NDST4: variants seen among roughly 807,000 people sequenced by gnomAD.
NDST4 encodes N-deacetylase and N-sulfotransferase 4, also known as N-heparan sulfate sulfotransferase 4.
A neutral mutation model predicts 100.8 loss-of-function variants in NDST4; 63 were observed. The observed-to-expected ratio is 0.62, with a 90% CI of 0.51 to 0.77. The LOEUF (loss-of-function observed/expected upper bound fraction) is 0.77, where lower values mean the gene tolerates loss of function less well. Among genes scored for constraint, NDST4 ranks in the 30% least tolerant of loss-of-function variants. The probability of loss-of-function intolerance (pLI) is 0.00; values close to 1 mark genes in which losing one functional copy is unlikely to be tolerated. For synonymous variants in NDST4, 377 were observed against 361.8 expected, an observed-to-expected ratio of 1.04 and a Z score of -0.48; for missense variants, 943 against 1,018.4, an observed-to-expected ratio of 0.93 and a Z score of 1.01.
At chr4:114,852,591 C>T in intron 8 of NDST4, 134 bp downstream of exon 8, 1 of 569,490 alleles carries the variant, frequency 1.8e-6, no homozygotes, top group Admixed American at 3.4e-5. Context: ...AGATGACAAG[C>T]AGTTCAAATA....
At chr4:114,985,194 A>T (rs1726872206) in intron 2 of NDST4, among the ~76,000 whole-genome samples, 1 of 152,188 alleles carries the variant, frequency 6.6e-6, no homozygotes, top group Admixed American at 6.5e-5. Flanking sequence ...CTGAAAAAAA[A>T]CCTAGTGAGC....
intron 2 of NDST4, among the ~76,000 whole-genome samples, chr4:115,048,305 T>C (rs1053519884): frequency 6.6e-6 from 1 of 152,188 alleles, no homozygotes; most frequent in African/African-American, 2.4e-5. Flanking sequence ...ACAAGGTTTT[T>C]AGCATTTACA....
chr4:115,050,170 T>C (rs1404671679), intron 2 of NDST4, among the ~76,000 whole-genome samples: 1 of 152,192 alleles, frequency 6.6e-6, no homozygotes, highest in Non-Finnish European at 1.5e-5. Flanking sequence ...CTCAAAGTTT[T>C]ATTCTTGTGT....
At position 115,077,219 on chromosome 4, in the gene NDST4, T is replaced by C. The variant is rs1372385836; in HGVS notation, c.-183A>G. ...TGGAAGGCAATAGATGGGAAGGATATACGTTGAGGAGATTTTGAATATGTC... is the reference window on the plus strand; with the variant it reads ...TGGAAGGCAATAGATGGGAAGGATACACGTTGAGGAGATTTTGAATATGTC... On this transcript the variant is annotated 5_prime_UTR_variant, in exon 2 of 14. Coordinates refer to ENST00000264363, the MANE Select transcript of NDST4 (RefSeq NM_022569.3). The C allele has an allele frequency of 5.4e-6, 3 of 559,974 alleles. No homozygotes were observed. The highest frequency in any genetic ancestry group is 2.3e-5 in the South Asian group (1 of 43,850). 34.7% of individuals were successfully genotyped at this position (559,974 alleles called of 1,614,324 possible). A position where few individuals can be genotyped will look rare whatever the true frequency, so the allele number is the denominator to read the frequency against.
intron 6 of NDST4, among the ~76,000 whole-genome samples, chr4:114,899,699 C>T (rs573430623): frequency 1.3e-5 from 2 of 152,214 alleles, no homozygotes; most frequent in Admixed American, 6.5e-5. Context: ...TCCACTGGAT[C>T]ATGGTCTTTT....
intron 6 of NDST4, among the ~76,000 whole-genome samples, chr4:114,890,180 A>G (rs1177894287): frequency 1.3e-5 from 2 of 152,156 alleles, no homozygotes; most frequent in African/African-American, 4.8e-5. Context: ...GTAGTTAACA[A>G]TGGAAAGCTC....
At chr4:114,956,084 A>T (rs1216587965) in intron 4 of NDST4, 3 of 152,338 alleles carry the variant, frequency 2.0e-5, no homozygotes, top group East Asian at 1.9e-4. Context: ...GAAGGCCAAG[A>T]ATACTGTAAT....
At chr4:115,058,980 TACACACAC>T (rs36080386) in intron 2 of NDST4, among the ~76,000 whole-genome samples, 2 of 148,800 alleles carry the variant, frequency 1.3e-5, no homozygotes, top group Admixed American at 1.3e-4. Context: ...GTTCTGAAGC[TACACACAC>T]ACACACACAC....
chr4:114,921,877 G>C (rs1295314495), intron 6 of NDST4, among the ~76,000 whole-genome samples: 1 of 151,586 alleles, frequency 6.6e-6, no homozygotes, highest in Non-Finnish European at 1.5e-5. Flanking sequence ...TCACTCCCCT[G>C]CTGTCCCTTT....
intron 2 of NDST4, 87 bp from the exon 3 acceptor site, chr4:114,977,361 A>G: frequency 1.3e-6 from 1 of 775,460 alleles, no homozygotes; most frequent in Non-Finnish European, 2.1e-6. Context: ...ATGCATGAGT[A>G]AAACAAAATG....
intron 6 of NDST4, among the ~76,000 whole-genome samples, chr4:114,877,808 C>A (rs1168653566): frequency 1.3e-5 from 2 of 151,984 alleles, no homozygotes; most frequent in African/African-American, 4.8e-5. Context: ...AGTAGCCGGG[C>A]CTGGTGACTA....
rs780604215 is a variant in NDST4, at chr4:114,937,306, C to G, written c.1407+12G>C. 6.8e-6 allele frequency: 11 copies of G among 1,613,530 alleles called. No homozygotes were observed. Among genetic ancestry groups the G allele is most frequent in the Admixed American group, 6.7e-5 (4 of 59,994 alleles). The stretch of plus-strand genomic sequence containing the variant: ...TTAACATCCTTCAATATACATGGCT[C>G]TCTGTGCTCACCATGATGCTATTGT... On this transcript the variant is annotated intron_variant, in intron 5 of 13. Transcript: ENST00000264363.
At chr4:114,903,927 C>T (rs1422691369) in intron 6 of NDST4, among the ~76,000 whole-genome samples, 11 of 151,846 alleles carry the variant, frequency 7.2e-5, no homozygotes, top group Admixed American at 7.2e-4. Context: ...AAAGTAGAAG[C>T]CAATTGAATG....
At chr4:114,986,899 T>G (rs992077706) in intron 2 of NDST4, among the ~76,000 whole-genome samples, 1 of 148,106 alleles carries the variant, frequency 6.8e-6, no homozygotes, top group Non-Finnish European at 1.5e-5. Flanking sequence ...AATTTTTTTG[T>G]CTTGTAAAAA....
intron 1 of NDST4, among the ~76,000 whole-genome samples, chr4:115,097,107 C>T (rs921444120): frequency 4.6e-5 from 7 of 152,012 alleles, no homozygotes; most frequent in Middle Eastern, 3.2e-3. Context: ...ATGTGAAGTT[C>T]CCCAGGGCCT....
intron 6 of NDST4, among the ~76,000 whole-genome samples, chr4:114,903,446 AC>A (rs1381775668): frequency 6.6e-6 from 1 of 151,940 alleles, no homozygotes; most frequent in African/African-American, 2.4e-5. Context: ...TGAATTTCAG[AC>A]TTGTCTACTG....
chr4:114,977,856 C>A (rs906853313), intron 2 of NDST4, among the ~76,000 whole-genome samples: 1 of 151,814 alleles, frequency 6.6e-6, no homozygotes, highest in South Asian at 2.1e-4. Flanking sequence ...AAAATAGATA[C>A]CCCTTTTTGT....
intron 2 of NDST4, among the ~76,000 whole-genome samples, chr4:115,066,309 C>A (rs1052914697): frequency 1.3e-5 from 2 of 152,010 alleles, no homozygotes; most frequent in African/African-American, 2.4e-5. Flanking sequence ...TGGAGAATAA[C>A]CCTATTTGCT....
intron 2 of NDST4, among the ~76,000 whole-genome samples, chr4:115,063,455 T>C (rs995101110): frequency 3.3e-5 from 5 of 151,990 alleles, no homozygotes; most frequent in Non-Finnish European, 7.4e-5. Flanking sequence ...CTATTTTCCA[T>C]GATAATTTAA....
Sources: gnomAD v4.1 joint callset for allele counts (sites outside exome capture counted in the v4.1 genomes callset) on GRCh38, gnomAD v4.1.1 for gene constraint, MANE v1.5 for transcripts, NCBI Gene and HGNC (gene_info 2026-07-23, HGNC 2026-07-21) for gene names.